The following ANKRD44 variants were observed in gnomAD, a reference collection of about 807,000 sequenced individuals.
ANKRD44 encodes serine/threonine-protein phosphatase 6 regulatory ankyrin repeat subunit B.
A neutral mutation model predicts 116.0 loss-of-function variants in ANKRD44; 35 were observed. The observed-to-expected ratio is 0.30, with a 90% CI of 0.23 to 0.40. The LOEUF is 0.40. ANKRD44 is among the 10% of genes least tolerant of loss of function. The probability of loss-of-function intolerance (pLI) is 1.00; values close to 1 mark genes in which losing one functional copy is unlikely to be tolerated. For missense variants in ANKRD44, 1,014 were observed against 1,242.6 expected (o/e 0.82, Z 2.77); for synonymous variants, 435 against 461.8 (o/e 0.94, Z 0.74).
chr2:197,305,333 G>C (rs2084037794), intron 1 of ANKRD44, among the ~76,000 whole-genome samples: 1 of 152,158 alleles, frequency 6.6e-6, no homozygotes, highest in African/African-American at 2.4e-5. Flanking sequence ...TATATATTGA[G>C]CTTCAATATG....
chr2:197,156,635 T>C (rs1252027574), intron 2 of ANKRD44, among the ~76,000 whole-genome samples: 3 of 152,220 alleles, frequency 2.0e-5, no homozygotes, highest in Non-Finnish European at 1.5e-5. Flanking sequence ...CATATGTCCA[T>C]ACAGAGACTT....
At chr2:197,063,682 C>T (rs911325298) in intron 16 of ANKRD44, among the ~76,000 whole-genome samples, 7 of 152,166 alleles carry the variant, frequency 4.6e-5, no homozygotes, top group Non-Finnish European at 8.8e-5. Context: ...CCGATTCGAT[C>T]AACTGGAAGA....
chr2:197,029,778 C>A, intron 16 of ANKRD44: 1 of 292,956 alleles, frequency 3.4e-6, no homozygotes, highest in Non-Finnish European at 6.7e-6. Flanking sequence ...TTTTAAGTTT[C>A]TTATGCAGCA....
intron 1 of ANKRD44, among the ~76,000 whole-genome samples, chr2:197,280,990 A>C (rs138419092): frequency 6.6e-6 from 1 of 152,274 alleles, no homozygotes; most frequent in Non-Finnish European, 1.5e-5. Flanking sequence ...CTTTCACTAG[A>C]ATGTTCTTTA....
At chr2:197,305,967 TTATATATATA>T (rs374313668) in intron 1 of ANKRD44, among the ~76,000 whole-genome samples, 1 of 124,736 alleles carries the variant, frequency 8.0e-6, no homozygotes, top group African/African-American at 3.6e-5. Context: ...GCAGTTCGTT[TTATATATATA>T]TATATATATA....
chr2:197,152,591 T>A (rs2079681358), intron 2 of ANKRD44, among the ~76,000 whole-genome samples: 1 of 152,116 alleles, frequency 6.6e-6, no homozygotes, highest in Admixed American at 6.5e-5. Context: ...GCAGAGGAAG[T>A]TGAGCTGTCT....
intron 2 of ANKRD44, among the ~76,000 whole-genome samples, chr2:197,161,119 T>C (rs552592401): frequency 6.6e-6 from 1 of 152,156 alleles, no homozygotes; most frequent in East Asian, 1.9e-4. Flanking sequence ...CCTAATGGAG[T>C]ATTCTGCTTA....
At chr2:197,056,776 C>T (rs1464671920) in intron 16 of ANKRD44, among the ~76,000 whole-genome samples, 1 of 152,016 alleles carries the variant, frequency 6.6e-6, no homozygotes, top group Non-Finnish European at 1.5e-5. Context: ...TGACCTTATA[C>T]CCTTATCAAT....
chr2:196,991,459 T>C (rs149486155), intron 27 of ANKRD44, among the ~76,000 whole-genome samples: 7 of 152,350 alleles, frequency 4.6e-5, no homozygotes, highest in Non-Finnish European at 8.8e-5. Context: ...TCACTTTATA[T>C]ATGCTTCATA....
At chr2:197,113,706 T>C (rs2078644101) in intron 8 of ANKRD44, among the ~76,000 whole-genome samples, 1 of 152,186 alleles carries the variant, frequency 6.6e-6, no homozygotes, top group Non-Finnish European at 1.5e-5. Context: ...ACAACCTTCT[T>C]TTCTCTGAGA....
At chr2:197,133,194 T>A (rs2079132765) in intron 4 of ANKRD44, among the ~76,000 whole-genome samples, 2 of 152,194 alleles carry the variant, frequency 1.3e-5, no homozygotes, top group Non-Finnish European at 2.9e-5. Context: ...TCTCCTTCAG[T>A]TTCTCCAATT....
chr2:197,227,192 T>G (rs1035037784), intron 1 of ANKRD44, among the ~76,000 whole-genome samples: 1 of 152,236 alleles, frequency 6.6e-6, no homozygotes, highest in Non-Finnish European at 1.5e-5. Context: ...CTAAAAAACT[T>G]CATTCGGTGG....
At chr2:197,284,503 AACACACACACACACACAC>A (rs10547024) in intron 1 of ANKRD44, among the ~76,000 whole-genome samples, 2 of 137,784 alleles carry the variant, frequency 1.5e-5, no homozygotes, top group African/African-American at 2.6e-5. Flanking sequence ...CAGAGAGTCA[AACACACACACACACACAC>A]ACACACACAC....
At chr2:197,257,344 C>T (rs1294818772) in intron 1 of ANKRD44, among the ~76,000 whole-genome samples, 1 of 149,924 alleles carries the variant, frequency 6.7e-6, no homozygotes, top group Non-Finnish European at 1.5e-5. Flanking sequence ...CTTTAAAAAA[C>T]AAATTAAAAG....
chr2:196,982,412 A>C (rs914940858), downstream of ANKRD44, among the ~76,000 whole-genome samples: 2 of 152,102 alleles, frequency 1.3e-5, no homozygotes, highest in African/African-American at 2.4e-5. Flanking sequence ...GTTTCCTTGG[A>C]GTAAACTTGC....
intron 16 of ANKRD44, among the ~76,000 whole-genome samples, chr2:197,065,457 A>G (rs185301219): frequency 6.6e-6 from 1 of 152,344 alleles, no homozygotes; most frequent in African/African-American, 2.4e-5. Context: ...ATCAGAGCAG[A>G]ACTGAAGGAG....
intron 1 of ANKRD44, among the ~76,000 whole-genome samples, chr2:197,238,499 C>T (rs1282796262): frequency 6.6e-6 from 1 of 151,892 alleles, no homozygotes; most frequent in East Asian, 1.9e-4. Flanking sequence ...ACAACCTTGA[C>T]AAAAAAATCA....
At chr2:197,288,895 G>A (rs2083481189) in intron 1 of ANKRD44, among the ~76,000 whole-genome samples, 1 of 152,176 alleles carries the variant, frequency 6.6e-6, no homozygotes, top group Non-Finnish European at 1.5e-5. Flanking sequence ...CAGAGGCTGA[G>A]AAGGATAAGT....
chr2:197,211,332 A>T (rs1219099603), intron 1 of ANKRD44, among the ~76,000 whole-genome samples: 1 of 152,168 alleles, frequency 6.6e-6, no homozygotes, highest in Non-Finnish European at 1.5e-5. Flanking sequence ...GGCAAGTAAC[A>T]CACACTCAGT....
Sources: allele counts gnomAD v4.1 joint callset (sites outside exome capture counted in the v4.1 genomes callset), GRCh38; gene constraint gnomAD v4.1.1; transcripts MANE v1.5; gene names NCBI Gene and HGNC (gene_info 2026-07-23, HGNC 2026-07-21).